EBF1: variants seen among roughly 807,000 people sequenced by gnomAD.
The protein encoded by EBF1 is EBF transcription factor 1, also known as transcription factor COE1.
Under a neutral mutation model 68.4 loss-of-function variants are expected in EBF1, and 10 were observed. That is an observed-to-expected ratio of 0.15 (90% confidence interval 0.09 to 0.25). The LOEUF (loss-of-function observed/expected upper bound fraction) is 0.25, where lower values mean the gene tolerates loss of function less well. Among genes scored for constraint, EBF1 ranks in the 10% least tolerant of loss-of-function variants. The pLI, the probability that EBF1 is intolerant of heterozygous loss-of-function variation, is 1.00. For missense variants in EBF1, 509 were observed against 794.4 expected (o/e 0.64, Z 4.32); for synonymous variants, 298 against 299.8 (o/e 0.99, Z 0.06).
rs563149789 is a variant in EBF1 at position 158,958,469 on chromosome 5, C to T, written c.554+114927G>A. On this transcript the variant is annotated intron_variant, in intron 6 of 15. Transcript: ENST00000313708. Reference sequence around the variant, plus strand: ...AGTTCAGTTCACCTCTCATTTTTTTCTTCTTCAAAAACATGATGACAGCTG... The same window carrying T: ...AGTTCAGTTCACCTCTCATTTTTTTTTTCTTCAAAAACATGATGACAGCTG... 1.5e-3 allele frequency among the ~76,000 whole-genome samples: 234 copies of T among 152,056 alleles called. 1 individual carries two copies. The highest frequency in any genetic ancestry group is 5.4e-3 in the African/African-American group (225 of 41,502).
At chr5:158,938,672 C>T (rs919724068) in intron 6 of EBF1, among the ~76,000 whole-genome samples, 5 of 152,086 alleles carry the variant, frequency 3.3e-5, no homozygotes, top group Non-Finnish European at 5.9e-5. Flanking sequence ...GCACAAAGAA[C>T]GAGAGAGAGA....
At chr5:159,015,453 G>T (rs1765452739) in intron 6 of EBF1, among the ~76,000 whole-genome samples, 1 of 152,204 alleles carries the variant, frequency 6.6e-6, no homozygotes, top group South Asian at 2.1e-4. Context: ...TGATCTTGAA[G>T]CAACTTCTAG....
chr5:158,914,110 G>A (rs897591621), intron 6 of EBF1, among the ~76,000 whole-genome samples: 1 of 152,190 alleles, frequency 6.6e-6, no homozygotes, highest in African/African-American at 2.4e-5. Context: ...GGACACACCA[G>A]CTGTTTAAAA....
chr5:159,044,422 T>C (rs902485002), intron 6 of EBF1, among the ~76,000 whole-genome samples: 1 of 152,204 alleles, frequency 6.6e-6, no homozygotes, highest in African/African-American at 2.4e-5. Flanking sequence ...TTTCATATAA[T>C]TAAACAAACC....
intron 10 of EBF1, among the ~76,000 whole-genome samples, chr5:158,771,526 G>A (rs888064688): frequency 6.6e-6 from 1 of 152,068 alleles, no homozygotes; most frequent in East Asian, 1.9e-4. Flanking sequence ...GTCAATGATA[G>A]CACCTATTGC....
intron 6 of EBF1, among the ~76,000 whole-genome samples, chr5:158,867,093 T>G (rs1796059113): frequency 6.6e-6 from 1 of 151,890 alleles, no homozygotes; most frequent in South Asian, 2.1e-4. Context: ...CCCATAAAAG[T>G]GGTCAATGTT....
chr5:158,764,102 T>C (rs10055892), intron 10 of EBF1, among the ~76,000 whole-genome samples: 1,701 of 152,346 alleles, frequency 0.011, 42 homozygotes, highest in African/African-American at 0.038. Context: ...TTCTCATTCC[T>C]ATTTTGCAGA....
At chr5:158,791,092 G>A (rs564083956) in intron 9 of EBF1, among the ~76,000 whole-genome samples, 22 of 152,092 alleles carry the variant, frequency 1.4e-4, no homozygotes, top group Admixed American at 1.1e-3. Flanking sequence ...AGGCTGAGGC[G>A]GGCAGATCAC....
At chr5:159,071,067 T>A (rs967789841) in intron 6 of EBF1, among the ~76,000 whole-genome samples, 1 of 152,208 alleles carries the variant, frequency 6.6e-6, no homozygotes, top group Non-Finnish European at 1.5e-5. Flanking sequence ...CTGTTAAGAA[T>A]GGGAGTTTCA....
chr5:158,876,608 A>G (rs929569775), intron 6 of EBF1, among the ~76,000 whole-genome samples: 16 of 152,308 alleles, frequency 1.1e-4, no homozygotes, highest in African/African-American at 3.8e-4. Context: ...TTCCATAAAA[A>G]GTTTCACGTT....
intron 7 of EBF1, among the ~76,000 whole-genome samples, chr5:158,826,959 A>G (rs2127888529): frequency 6.6e-6 from 1 of 152,300 alleles, no homozygotes; most frequent in Middle Eastern, 3.4e-3. Context: ...TTGGCTCTCA[A>G]GCTTTCCTGG....
At chr5:159,098,438 T>C (rs897434725) in intron 1 of EBF1, among the ~76,000 whole-genome samples, 4 of 151,044 alleles carry the variant, frequency 2.6e-5, no homozygotes, top group African/African-American at 9.8e-5. Context: ...ACCGGTAGAC[T>C]AAGAAAAAAC....
chr5:159,071,429 G>A (rs1777774782), intron 6 of EBF1, among the ~76,000 whole-genome samples: 1 of 152,170 alleles, frequency 6.6e-6, no homozygotes, highest in Non-Finnish European at 1.5e-5. Flanking sequence ...AGCATAAAGT[G>A]CATACTTATT....
chr5:158,812,780 G>C (rs1207466182), intron 8 of EBF1, among the ~76,000 whole-genome samples: 1 of 152,042 alleles, frequency 6.6e-6, no homozygotes, highest in Non-Finnish European at 1.5e-5. Flanking sequence ...CGCTGCCTGG[G>C]TGGACCCTGG....
At chr5:159,023,055 G>A (rs113780771) in intron 6 of EBF1, among the ~76,000 whole-genome samples, 9 of 152,070 alleles carry the variant, frequency 5.9e-5, no homozygotes, top group Non-Finnish European at 8.8e-5. Context: ...AAGATCTTGC[G>A]CTTGTTTTTC....
chr5:159,066,199 T>C (rs147032463), intron 6 of EBF1, among the ~76,000 whole-genome samples: 54 of 152,322 alleles, frequency 3.5e-4, no homozygotes, highest in African/African-American at 1.3e-3. Context: ...CAATATCTTA[T>C]TAAAGATGTG....
intron 5 of EBF1, among the ~76,000 whole-genome samples, chr5:159,074,422 A>G (rs989005297): frequency 3.3e-5 from 5 of 152,230 alleles, no homozygotes; most frequent in African/African-American, 1.2e-4. Flanking sequence ...GTAGATGGGG[A>G]GGGAGGTCCT....
chr5:158,703,571 G>C (rs1290317262), intron 15 of EBF1, among the ~76,000 whole-genome samples: 2 of 147,806 alleles, frequency 1.4e-5, no homozygotes, highest in Admixed American at 6.8e-5. Context: ...ATTTTGTGAG[G>C]CTCCAGAAGT....
chr5:158,803,999 G>A (rs560372763), intron 8 of EBF1, among the ~76,000 whole-genome samples: 1 of 140,476 alleles, frequency 7.1e-6, no homozygotes, highest in African/African-American at 2.7e-5. Context: ...GTCACTTTAA[G>A]GAGAAATGTA....
Sources: allele counts gnomAD v4.1 joint callset (sites outside exome capture counted in the v4.1 genomes callset), GRCh38; gene constraint gnomAD v4.1.1; transcripts MANE v1.5; gene names NCBI Gene and HGNC (gene_info 2026-07-23, HGNC 2026-07-21).